Variants in ANO4 observed in about 807,000 individuals in gnomAD.
ANO4 encodes the protein anoctamin-4.
In ANO4, 69 loss-of-function variants were observed where a neutral mutation model predicts 141.9. The observed-to-expected ratio is 0.49, with a 90% CI of 0.40 to 0.59. ANO4 has a LOEUF of 0.59. ANO4 is among the 20% of genes least tolerant of loss of function. ANO4 has a pLI of 0.00. For synonymous variants in ANO4, 350 were observed against 394.3 expected (o/e 0.89, Z 1.33); for missense variants, 894 against 1,162.2 (o/e 0.77, Z 3.36).
At chr12:100,999,758 CTT>C (rs1319703434) in intron 8 of ANO4, among the ~76,000 whole-genome samples, 1 of 151,812 alleles carries the variant, frequency 6.6e-6, no homozygotes, top group Non-Finnish European at 1.5e-5. Flanking sequence ...ATGTAAAAGA[CTT>C]AGGGCCTGGC....
intron 1 of ANO4, among the ~76,000 whole-genome samples, chr12:100,826,338 A>C (rs1453298224): frequency 6.6e-6 from 1 of 152,044 alleles, no homozygotes; most frequent in Non-Finnish European, 1.5e-5. Context: ...AAGATTCACT[A>C]AGCTTATTCT....
At chr12:100,944,645 G>T (rs979245660) in intron 5 of ANO4, among the ~76,000 whole-genome samples, 1 of 152,022 alleles carries the variant, frequency 6.6e-6, no homozygotes, top group African/African-American at 2.4e-5. Context: ...CTCGAGTCTT[G>T]CCCTGACTTT....
chr12:100,842,067 C>CA (rs1468954568), intron 1 of ANO4: 1 of 98,220 alleles, frequency 1.0e-5, no homozygotes, highest in East Asian at 4.0e-4. Context: ...ATCCACCCCC[C>CA]CCCCCCCCCC....
chr12:101,078,159 A>G (rs2049100247), intron 14 of ANO4, among the ~76,000 whole-genome samples: 1 of 152,226 alleles, frequency 6.6e-6, no homozygotes, highest in South Asian at 2.1e-4. Flanking sequence ...GGCCATTTAC[A>G]TAATTTACTT....
upstream of ANO4, among the ~76,000 whole-genome samples, chr12:100,717,336 G>T (rs1027831799): frequency 6.6e-6 from 1 of 151,520 alleles, no homozygotes; most frequent in African/African-American, 2.4e-5. Context: ...CAGCCCGGCC[G>T]GGGGCCCCCG....
intron 2 of ANO4, among the ~76,000 whole-genome samples, chr12:100,905,442 A>G (rs1192786959): frequency 6.6e-6 from 1 of 152,052 alleles, no homozygotes; most frequent in Non-Finnish European, 1.5e-5. Flanking sequence ...AGAAATTACA[A>G]AAGTTTATCA....
At chr12:101,110,727 GCTAC>G (rs1010954099) in intron 23 of ANO4, among the ~76,000 whole-genome samples, 171 bp downstream of exon 23, 1 of 152,120 alleles carries the variant, frequency 6.6e-6, no homozygotes, top group Admixed American at 6.5e-5. Context: ...AAGAAGTAAA[GCTAC>G]CTATTTGGAA....
chr12:100,726,244 G>C (rs2031112444), intron 1 of ANO4, among the ~76,000 whole-genome samples: 1 of 152,016 alleles, frequency 6.6e-6, no homozygotes, highest in Non-Finnish European at 1.5e-5. Context: ...AAAAAAAAAA[G>C]TCCTTTCTTT....
intron 3 of ANO4, among the ~76,000 whole-genome samples, chr12:100,769,974 C>G (rs568078463): frequency 3.9e-4 from 60 of 152,108 alleles, no homozygotes; most frequent in South Asian, 2.3e-3. Flanking sequence ...TAGGAGTTAC[C>G]ATGTATTGAT....
intron 8 of ANO4, among the ~76,000 whole-genome samples, chr12:101,014,603 A>G (rs1399787): frequency 0.084 from 12,832 of 152,218 alleles, 555 homozygotes; most frequent in Middle Eastern, 0.12. Flanking sequence ...GGAGCAAAAC[A>G]GATGTTTTCT....
At chr12:101,085,551 A>G (rs1828955) in intron 16 of ANO4, among the ~76,000 whole-genome samples, 8,698 of 152,224 alleles carry the variant, frequency 0.057, 778 homozygotes, top group African/African-American at 0.19. Flanking sequence ...CAAATACTAC[A>G]CTATTTTATA....
rs927060003 is a variant in ANO4, at chr12:101,119,356, A to T, written c.2571-1164A>T. On this transcript the variant is annotated intron_variant, in intron 25 of 27. Transcript: ENST00000392977. ...ACACCTGTAGTCCCAGCTACTTGGG[A>T]GGTAGGAGTATCACTTGAGTCTGGG... 7.2e-5 allele frequency among the ~76,000 whole-genome samples: 11 copies of T among 152,220 alleles called. No individual in the cohort carries two copies. In the South Asian group the frequency reaches 1.7e-3, roughly 23 times the overall value.
chr12:101,011,316 TTC>T (rs1491116552), intron 8 of ANO4, among the ~76,000 whole-genome samples: 8 of 141,242 alleles, frequency 5.7e-5, no homozygotes, highest in East Asian at 2.2e-4. Flanking sequence ...ATGGCCTTTT[TTC>T]TTTTTTTTTT....
chr12:100,931,686 A>G (rs1337699305), intron 3 of ANO4, among the ~76,000 whole-genome samples: 1 of 152,182 alleles, frequency 6.6e-6, no homozygotes, highest in Admixed American at 6.6e-5. Context: ...CACTTCCTTC[A>G]TGTTTAATCT....
intron 1 of ANO4, among the ~76,000 whole-genome samples, chr12:100,719,790 C>T (rs781155281): frequency 3.9e-5 from 6 of 152,120 alleles, no homozygotes; most frequent in South Asian, 4.1e-4. Flanking sequence ...TTTCTGATCC[C>T]GTTCTTTCTG....
chr12:101,008,768 A>T (rs1276264109), intron 8 of ANO4, among the ~76,000 whole-genome samples: 2 of 152,114 alleles, frequency 1.3e-5, no homozygotes, highest in African/African-American at 2.4e-5. Flanking sequence ...AGATGTTCAG[A>T]TGCATCATAC....
chr12:100,969,558 T>C (rs1337853610), intron 5 of ANO4, among the ~76,000 whole-genome samples: 1 of 152,230 alleles, frequency 6.6e-6, no homozygotes, highest in Non-Finnish European at 1.5e-5. Context: ...AAAAAGACTC[T>C]GAATTAAAGT....
chr12:100,736,321 C>T (rs2031611610), intron 2 of ANO4, among the ~76,000 whole-genome samples: 1 of 152,120 alleles, frequency 6.6e-6, no homozygotes, highest in South Asian at 2.1e-4. Context: ...GTTCTAACTA[C>T]TTTTTCTGTA....
At chr12:101,087,410 T>C (rs1376300832) in intron 17 of ANO4, among the ~76,000 whole-genome samples, 2 of 151,782 alleles carry the variant, frequency 1.3e-5, no homozygotes, top group Non-Finnish European at 2.9e-5. Flanking sequence ...TAGTCCCAGC[T>C]GCTTTGTGGG....
Sources: gnomAD v4.1 joint callset for allele counts (sites outside exome capture counted in the v4.1 genomes callset) on GRCh38, gnomAD v4.1.1 for gene constraint, MANE v1.5 for transcripts, NCBI Gene and HGNC (gene_info 2026-07-23, HGNC 2026-07-21) for gene names.